Variants in KLHL32 observed in about 807,000 individuals in gnomAD.
KLHL32 encodes the protein kelch-like protein 32.
In KLHL32, 35 loss-of-function variants were observed where a neutral mutation model predicts 64.8. The observed-to-expected ratio is 0.54, with a 90% confidence interval of 0.41 to 0.72. The LOEUF is 0.72. Among genes scored for constraint, KLHL32 ranks in the 30% least tolerant of loss-of-function variants. The pLI is 0.00. For synonymous variants in KLHL32, 259 were observed against 281.0 expected (o/e 0.92, Z 0.78); for missense variants, 589 against 768.5 (o/e 0.77, Z 2.76).
At chr6:96,900,156 A>G in the KLHL32 span, among the ~76,000 whole-genome samples, 1 of 152,226 alleles carries the variant, frequency 6.6e-6, no homozygotes, top group Non-Finnish European at 1.5e-5. Flanking sequence ...GTGAGTCCTT[A>G]TGCAAGTAAC....
chr6:97,033,786 C>G (rs982749644), intron 3 of KLHL32, among the ~76,000 whole-genome samples: 2 of 152,076 alleles, frequency 1.3e-5, no homozygotes, highest in African/African-American at 4.8e-5. Flanking sequence ...TGATGTTGAG[C>G]ATCTTTTTAT....
At chr6:97,130,626 C>A (rs1396251288) in intron 8 of KLHL32, 131 bp from the exon 9 acceptor site, 1 of 638,194 alleles carries the variant, frequency 1.6e-6, no homozygotes, top group Admixed American at 3.2e-5. Context: ...TATATATAAA[C>A]AACATTCAAA....
At chr6:97,041,868 T>C (rs1430589546) in intron 4 of KLHL32, among the ~76,000 whole-genome samples, 2 of 152,160 alleles carry the variant, frequency 1.3e-5, no homozygotes, top group African/African-American at 2.4e-5. Flanking sequence ...AGAACTATCG[T>C]AAGGGAAAGA....
chr6:96,984,081 C>T (rs1776697715), intron 3 of KLHL32, among the ~76,000 whole-genome samples: 1 of 152,164 alleles, frequency 6.6e-6, no homozygotes, highest in East Asian at 1.9e-4. Context: ...TATGTTGTGT[C>T]TTTGTTCTCA....
intron 3 of KLHL32, among the ~76,000 whole-genome samples, chr6:97,038,907 A>T (rs1582808059): frequency 1.3e-5 from 2 of 151,728 alleles, no homozygotes; most frequent in East Asian, 3.9e-4. Context: ...CATGGCCAAC[A>T]TGGTGAAACC....
At chr6:96,970,537 A>G (rs1774997745) in intron 2 of KLHL32, among the ~76,000 whole-genome samples, 1 of 152,194 alleles carries the variant, frequency 6.6e-6, no homozygotes, top group African/African-American at 2.4e-5. Context: ...TTATTTGATT[A>G]ATGTGTAACT....
intron 6 of KLHL32, among the ~76,000 whole-genome samples, chr6:97,102,247 C>T (rs1206822039): frequency 6.6e-6 from 1 of 152,164 alleles, no homozygotes; most frequent in Non-Finnish European, 1.5e-5. Flanking sequence ...TAGAAAAAAG[C>T]ATCAGGATTT....
chr6:96,959,593 T>C (rs1202475737), intron 1 of KLHL32, among the ~76,000 whole-genome samples: 3 of 152,188 alleles, frequency 2.0e-5, no homozygotes, highest in Non-Finnish European at 2.9e-5. Flanking sequence ...CCTTTTAACT[T>C]TGATTACCTC....
At chr6:97,050,909 A>G (rs1163758400) in intron 4 of KLHL32, among the ~76,000 whole-genome samples, 2 of 152,226 alleles carry the variant, frequency 1.3e-5, no homozygotes, top group Non-Finnish European at 2.9e-5. Flanking sequence ...AGGCTGAGGC[A>G]GGAGAACCGC....
chr6:97,084,996 T>A (rs1793168975), intron 5 of KLHL32, 130 bp from the exon 6 acceptor site: 11 of 665,260 alleles, frequency 1.7e-5, no homozygotes, highest in Admixed American at 2.9e-5. Flanking sequence ...CTTTTTTTTT[T>A]TATACTAGCC....
chr6:96,961,379 A>C (rs1773862259), intron 1 of KLHL32, among the ~76,000 whole-genome samples: 1 of 152,156 alleles, frequency 6.6e-6, no homozygotes, highest in Admixed American at 6.5e-5. Flanking sequence ...AGGTAGCTTA[A>C]TTTTTGGTAT....
At chr6:97,077,693 C>T (rs1017113187) in intron 5 of KLHL32, among the ~76,000 whole-genome samples, 1 of 152,138 alleles carries the variant, frequency 6.6e-6, no homozygotes, top group African/African-American at 2.4e-5. Context: ...TGTGGGAGAG[C>T]TGTTTATTTT....
intron 3 of KLHL32, 128 bp downstream of exon 3, chr6:96,976,305 C>T: frequency 1.2e-6 from 1 of 845,484 alleles, no homozygotes; most frequent in Non-Finnish European, 1.7e-6. Context: ...GGCCTTTGTT[C>T]TTTCCTGGGT....
chr6:97,112,022 G>A (rs900842403), intron 6 of KLHL32, among the ~76,000 whole-genome samples: 1 of 151,902 alleles, frequency 6.6e-6, no homozygotes, highest in Non-Finnish European at 1.5e-5. Context: ...GGTTTTTATG[G>A]GTACAGGATG....
In KLHL32 at chr6:97,064,550, A is replaced by T. The variant is rs538522938; in HGVS notation, c.313-78A>T. On this transcript the variant is annotated intron_variant, in intron 4 of 10. Transcript: ENST00000369261. ...CGTAAAGCAGCAATTTAAATATACT[A>T]TGGTATATCTACATATTAAGCAGCA... 3.8e-4 allele frequency: 360 copies of T among 946,100 alleles called. 1 individual carries two copies. The African/African-American group carries it at 5.3e-3, about 14-fold the overall frequency. The allele number at this position is 946,100 out of a possible 1,614,324, so 58.6% of individuals were successfully genotyped here.
chr6:97,076,889 AT>A (rs1348600954), intron 5 of KLHL32, among the ~76,000 whole-genome samples: 1 of 151,990 alleles, frequency 6.6e-6, no homozygotes, highest in African/African-American at 2.4e-5. Flanking sequence ...ATATTTAAAT[AT>A]TTTTAGAGGA....
chr6:97,031,203 A>G (rs2128115565), intron 3 of KLHL32, among the ~76,000 whole-genome samples: 1 of 152,304 alleles, frequency 6.6e-6, no homozygotes, highest in East Asian at 1.9e-4. Flanking sequence ...ACCAAGTGGT[A>G]TCCAATGAGG....
intron 3 of KLHL32, among the ~76,000 whole-genome samples, chr6:97,007,530 C>T (rs893322698): frequency 1.3e-5 from 2 of 152,176 alleles, no homozygotes; most frequent in Non-Finnish European, 2.9e-5. Flanking sequence ...GACAAACTAG[C>T]GTGGCTGGTT....
At chr6:96,969,518 G>A (rs995092887) in intron 2 of KLHL32, among the ~76,000 whole-genome samples, 1 of 152,000 alleles carries the variant, frequency 6.6e-6, no homozygotes, top group Non-Finnish European at 1.5e-5. Context: ...CAGATGAACC[G>A]ATCTATTCAT....
Sources: gnomAD v4.1 joint callset for allele counts (sites outside exome capture counted in the v4.1 genomes callset) on GRCh38, gnomAD v4.1.1 for gene constraint, MANE v1.5 for transcripts, NCBI Gene and HGNC (gene_info 2026-07-23, HGNC 2026-07-21) for gene names.